Variants in FHIT observed in about 807,000 individuals in gnomAD.
FHIT encodes bis(5'-adenosyl)-triphosphatase.
In FHIT, 19 loss-of-function variants were observed where a neutral mutation model predicts 17.9. The ratio of observed to expected loss-of-function variants is 1.06; its 90% CI spans 0.74 to 1.56. The LOEUF is 1.56. Among genes scored for constraint, FHIT ranks in the 40% most tolerant of loss-of-function variants. The probability of loss-of-function intolerance (pLI) is 0.00; values close to 1 mark genes in which losing one functional copy is unlikely to be tolerated. For synonymous variants in FHIT, 81 were observed against 69.7 expected (o/e 1.16, Z -0.81); for missense variants, 248 against 189.2 (o/e 1.31, Z -1.82).
chr3:61,042,407 G>A (rs576061501), intron 2 of FHIT, among the ~76,000 whole-genome samples: 1 of 152,166 alleles, frequency 6.6e-6, no homozygotes, highest in African/African-American at 2.4e-5. Context: ...TAAGCAGTAT[G>A]GAACCTCGGA....
intron 2 of FHIT, among the ~76,000 whole-genome samples, chr3:61,108,101 G>C (rs1032873278): frequency 3.9e-5 from 6 of 152,284 alleles, no homozygotes; most frequent in East Asian, 1.9e-4. Flanking sequence ...TGAATTTATA[G>C]TCCCCTGATA....
At chr3:60,684,445 A>G (rs2040817683) in intron 4 of FHIT, among the ~76,000 whole-genome samples, 2 of 152,274 alleles carry the variant, frequency 1.3e-5, no homozygotes, top group South Asian at 4.1e-4. Flanking sequence ...ATACGGTGTC[A>G]AGTCCAGATA....
intron 4 of FHIT, among the ~76,000 whole-genome samples, chr3:60,592,839 G>A (rs2038132087): frequency 6.6e-6 from 1 of 152,116 alleles, no homozygotes; most frequent in South Asian, 2.1e-4. Flanking sequence ...TGGAGAGAGT[G>A]AGTAGAGCCT....
intron 5 of FHIT, among the ~76,000 whole-genome samples, chr3:60,362,723 C>T (rs80298781): frequency 0.14 from 22,002 of 152,208 alleles, 1,712 homozygotes; most frequent in Non-Finnish European, 0.17. Flanking sequence ...TATTAACTTT[C>T]CCTTGACTCA....
intron 5 of FHIT, among the ~76,000 whole-genome samples, chr3:60,497,031 G>A (rs952389074): frequency 3.3e-5 from 5 of 152,068 alleles, no homozygotes; most frequent in African/African-American, 4.8e-5. Context: ...GTCAGTAAAC[G>A]CCTCTAAAGC....
Position 61,043,704 on chromosome 3 carries a change from T to C in FHIT, c.-163-1605A>G, listed in dbSNP as rs538811180. On this transcript the variant is annotated intron_variant, in intron 2 of 9. Coordinates refer to ENST00000492590, the MANE Select transcript of FHIT (RefSeq NM_002012.4). ...TTCAAGTGGGTCCCTGAGACCCAAG[T>C]AGCCTAACTGGGAGATACCTCCCAG... Among the ~76,000 whole-genome samples, 8 of 152,290 alleles carry C rather than the reference T, an allele frequency of 5.3e-5. No homozygotes were observed. In the South Asian group the frequency reaches 1.2e-3, roughly 24 times the overall value.
chr3:59,857,634 C>T (rs1702213664), intron 8 of FHIT, among the ~76,000 whole-genome samples: 2 of 150,128 alleles, frequency 1.3e-5, no homozygotes, highest in South Asian at 4.2e-4. Context: ...GTCCTATGAG[C>T]GTGGAAAACA....
intron 4 of FHIT, among the ~76,000 whole-genome samples, chr3:60,620,236 G>T (rs533993687): frequency 6.6e-6 from 1 of 151,998 alleles, no homozygotes; most frequent in Non-Finnish European, 1.5e-5. Context: ...CAGAAGACCC[G>T]CAATATTTTA....
intron 5 of FHIT, among the ~76,000 whole-genome samples, chr3:60,187,285 TAA>T (rs1576275774): frequency 6.6e-6 from 1 of 152,104 alleles, no homozygotes; most frequent in Admixed American, 6.5e-5. Flanking sequence ...CTTCACAAAA[TAA>T]AAGTGAGAAA....
At position 59,836,487 on chromosome 3, in the gene FHIT, C is replaced by A. The variant is rs535097484; in HGVS notation, c.349-84166G>T. Among the ~76,000 whole-genome samples the A allele has an allele frequency of 5.9e-4, 90 of 152,270 alleles. 3 individuals are homozygous for A. In the South Asian group the frequency reaches 0.017, roughly 29 times the overall value. On this transcript the variant is annotated intron_variant, in intron 8 of 9. Coordinates refer to ENST00000492590, the MANE Select transcript of FHIT (RefSeq NM_002012.4). Reference sequence around the variant, plus strand: ...CAGGGTGTTTTCTTCCTTTCCTGGTCCCCTCCTGTTACAGGAAGGCTGACC... The same window carrying A: ...CAGGGTGTTTTCTTCCTTTCCTGGTACCCTCCTGTTACAGGAAGGCTGACC...
intron 3 of FHIT, among the ~76,000 whole-genome samples, chr3:60,964,914 GT>G (rs1334220372): frequency 6.6e-6 from 1 of 152,102 alleles, no homozygotes; most frequent in Non-Finnish European, 1.5e-5. Context: ...GTGTCTTGGA[GT>G]TGCTCTTCTT....
intron 3 of FHIT, among the ~76,000 whole-genome samples, chr3:60,823,185 C>A (rs6446157): frequency 2.6e-5 from 4 of 151,820 alleles, no homozygotes; most frequent in African/African-American, 9.7e-5. Flanking sequence ...GTAGAGGAGA[C>A]AAACAAACAA....
chr3:60,911,853 A>G (rs1316584881), intron 3 of FHIT, among the ~76,000 whole-genome samples: 2 of 152,210 alleles, frequency 1.3e-5, no homozygotes, highest in Non-Finnish European at 2.9e-5. Flanking sequence ...TTGTTTCAAT[A>G]GCCAACACAC....
At chr3:60,636,417 G>A (rs762693) in intron 4 of FHIT, among the ~76,000 whole-genome samples, 33,131 of 151,954 alleles carry the variant, frequency 0.22, 3,964 homozygotes, top group Admixed American at 0.28. Context: ...GATCCTCAAG[G>A]TTACCAGACT....
chr3:60,251,593 A>G (rs992768415), intron 5 of FHIT, among the ~76,000 whole-genome samples: 1 of 152,220 alleles, frequency 6.6e-6, no homozygotes, highest in African/African-American at 2.4e-5. Context: ...GGGAATAGTT[A>G]TGCCAGTTTC....
At chr3:61,155,621 A>C (rs528185491) in intron 2 of FHIT, among the ~76,000 whole-genome samples, 1 of 152,290 alleles carries the variant, frequency 6.6e-6, no homozygotes, top group East Asian at 1.9e-4. Context: ...AAATATTTTA[A>C]AGCAAGACTA....
chr3:61,093,781 A>G (rs1366023849), intron 2 of FHIT, among the ~76,000 whole-genome samples: 1 of 152,228 alleles, frequency 6.6e-6, no homozygotes, highest in Non-Finnish European at 1.5e-5. Flanking sequence ...ATCATTACAG[A>G]TGCCCACTGC....
At chr3:60,233,580 AT>A (rs2107557644) in intron 5 of FHIT, among the ~76,000 whole-genome samples, 1 of 151,822 alleles carries the variant, frequency 6.6e-6, no homozygotes. Context: ...TTCTTTCATT[AT>A]TTCTTCATAA....
chr3:60,340,996 G>C (rs963398013), intron 5 of FHIT, among the ~76,000 whole-genome samples: 6 of 152,042 alleles, frequency 3.9e-5, no homozygotes, highest in Non-Finnish European at 7.4e-5. Flanking sequence ...GCCTATATGA[G>C]AATTTTTTTT....
Sources: gnomAD v4.1 joint callset for allele counts (sites outside exome capture counted in the v4.1 genomes callset) on GRCh38, gnomAD v4.1.1 for gene constraint, MANE v1.5 for transcripts, NCBI Gene and HGNC (gene_info 2026-07-23, HGNC 2026-07-21) for gene names.